Variants in SMAD9 observed in about 807,000 individuals in gnomAD.
The protein encoded by SMAD9 is SMAD family member 9.
A neutral mutation model predicts 46.1 loss-of-function variants in SMAD9; 36 were observed. The ratio of observed to expected loss-of-function variants is 0.78; its 90% CI spans 0.60 to 1.03. The LOEUF (loss-of-function observed/expected upper bound fraction) is 1.03. Ranked by LOEUF, SMAD9 falls within the 50% of genes least tolerant of loss-of-function variation. The probability of loss-of-function intolerance (pLI) is 0.00; values close to 1 mark genes in which losing one functional copy is unlikely to be tolerated. For synonymous variants in SMAD9, 245 were observed against 237.1 expected, an observed-to-expected ratio of 1.03 and a Z score of -0.31; for missense variants, 572 against 599.8, an observed-to-expected ratio of 0.95 and a Z score of 0.48.
intron 5 of SMAD9, among the ~76,000 whole-genome samples, chr13:36,863,658 C>T (rs1165971373): frequency 2.6e-5 from 4 of 152,096 alleles, no homozygotes; most frequent in Non-Finnish European, 5.9e-5. Flanking sequence ...AGTGGATTCT[C>T]ACTCTATTAG....
rs1336481384 is a variant in SMAD9 at position 36,845,200 on chromosome 13, A to G, written c.*3476T>C. The G allele has an allele frequency of 6.6e-6, 1 of 152,064 alleles. No individual in the cohort carries two copies. The highest frequency in any genetic ancestry group is 2.4e-5 in the African/African-American group (1 of 41,400). 9.4% of individuals were successfully genotyped at this position (152,064 alleles called of 1,614,324 possible). A position where few individuals can be genotyped will look rare whatever the true frequency, so the allele number is the denominator to read the frequency against. On this transcript the variant is annotated 3_prime_UTR_variant, in exon 7 of 7. Transcript: ENST00000379826. ...CAGTCTATCAAGTGATATTTATGAAATGTTTTTGTTGCTGTTTTGTTGCTG... is the reference window on the plus strand; with the variant it reads ...CAGTCTATCAAGTGATATTTATGAAGTGTTTTTGTTGCTGTTTTGTTGCTG...
intron 1 of SMAD9, among the ~76,000 whole-genome samples, chr13:36,897,849 C>CTTTTTTTTTTT (rs574741770): frequency 1.1e-5 from 1 of 90,018 alleles, no homozygotes; most frequent in Admixed American, 1.4e-4. Context: ...TGTCCTGTGT[C>CTTTTTTTTTTT]TTTTTTTTTT....
At chr13:36,885,286 GA>G (rs1328079337) in intron 1 of SMAD9, among the ~76,000 whole-genome samples, 1 of 151,992 alleles carries the variant, frequency 6.6e-6, no homozygotes, top group Non-Finnish European at 1.5e-5. Flanking sequence ...TGTCCAAAAG[GA>G]CTTCTATCTA....
At chr13:36,896,015 T>A (rs1371021406) in intron 1 of SMAD9, among the ~76,000 whole-genome samples, 1 of 152,208 alleles carries the variant, frequency 6.6e-6, no homozygotes, top group Non-Finnish European at 1.5e-5. Flanking sequence ...TTGAAAAGAC[T>A]TAGTTTTAAA....
intron 2 of SMAD9, among the ~76,000 whole-genome samples, chr13:36,874,593 C>T (rs2058327475): frequency 6.6e-6 from 1 of 152,080 alleles, no homozygotes; most frequent in Non-Finnish European, 1.5e-5. Flanking sequence ...CATGGTGGCT[C>T]ACACCTGTAA....
intron 4 of SMAD9, among the ~76,000 whole-genome samples, chr13:36,867,024 C>A (rs976424278): frequency 7.2e-5 from 11 of 152,180 alleles, no homozygotes; most frequent in African/African-American, 2.7e-4. Context: ...TCAAGAACTA[C>A]AAACTTCTAA....
chr13:36,910,351 C>T (rs1278686944), intron 1 of SMAD9, among the ~76,000 whole-genome samples: 1 of 152,020 alleles, frequency 6.6e-6, no homozygotes, highest in African/African-American at 2.4e-5. Context: ...AGAGAATTTG[C>T]AGGGCAATGA....
chr13:36,891,738 C>T (rs1027033118), intron 1 of SMAD9, among the ~76,000 whole-genome samples: 1 of 152,092 alleles, frequency 6.6e-6, no homozygotes, highest in Admixed American at 6.6e-5. Context: ...ATATTTTTCT[C>T]CAGGTGGAAG....
intron 1 of SMAD9, among the ~76,000 whole-genome samples, chr13:36,911,996 C>T (rs1305987257): frequency 6.6e-6 from 1 of 152,146 alleles, no homozygotes; most frequent in Admixed American, 6.5e-5. Flanking sequence ...GTGTGAGCCA[C>T]CGCACCCAGT....
intron 6 of SMAD9, chr13:36,849,502 A>G (rs1442537955): frequency 6.6e-6 from 1 of 152,090 alleles, no homozygotes; most frequent in Non-Finnish European, 1.5e-5. Context: ...TTTCAACACA[A>G]CCATGCTGCC....
chr13:36,905,970 C>T (rs182553730), intron 1 of SMAD9, among the ~76,000 whole-genome samples: 18 of 152,096 alleles, frequency 1.2e-4, no homozygotes, highest in African/African-American at 2.7e-4. Context: ...TGCGCCTGGA[C>T]GAAAATTCTT....
intron 5 of SMAD9, among the ~76,000 whole-genome samples, chr13:36,861,079 T>G (rs1409403093): frequency 6.6e-6 from 1 of 152,254 alleles, no homozygotes; most frequent in East Asian, 1.9e-4. Context: ...TACCAGCCCC[T>G]CTACCTCAGG....
chr13:36,852,804 G>A (rs1221932216), intron 6 of SMAD9, among the ~76,000 whole-genome samples: 1 of 152,152 alleles, frequency 6.6e-6, no homozygotes, highest in Non-Finnish European at 1.5e-5. Flanking sequence ...GCAATTGGAA[G>A]GATGGAAAAA....
At chr13:36,871,316 G>A (rs1000146955) in intron 3 of SMAD9, among the ~76,000 whole-genome samples, 4 of 152,084 alleles carry the variant, frequency 2.6e-5, no homozygotes, top group Admixed American at 6.6e-5. Flanking sequence ...TCAGGAGTTC[G>A]AGACCAGCCT....
intron 1 of SMAD9, among the ~76,000 whole-genome samples, chr13:36,890,547 T>G (rs909535808): frequency 1.3e-5 from 2 of 152,228 alleles, no homozygotes; most frequent in Non-Finnish European, 2.9e-5. Context: ...TTTTTCTAAA[T>G]ATCAGACAAT....
chr13:36,871,115 C>T (rs1282675518), intron 3 of SMAD9, among the ~76,000 whole-genome samples: 1 of 152,238 alleles, frequency 6.6e-6, no homozygotes, highest in African/African-American at 2.4e-5. Flanking sequence ...TTAATCATCA[C>T]TGCACCTCTA....
chr13:36,891,116 A>C lies in SMAD9; in HGVS notation c.-186-11241T>G, dbSNP rs550672384. On this transcript the variant is annotated intron_variant, in intron 1 of 6. Transcript: ENST00000379826. ...CCCGCTTTGGTCCTCTGAGAAATACAAATCCTAAGAAGAATGAATGGCCAT... is the reference window on the plus strand; with the variant it reads ...CCCGCTTTGGTCCTCTGAGAAATACCAATCCTAAGAAGAATGAATGGCCAT... 3.9e-4 allele frequency among the ~76,000 whole-genome samples: 59 copies of C among 151,844 alleles called. 1 individual carries two copies. The South Asian group carries it at 8.5e-3, about 22-fold the overall frequency.
Position 36,853,572 on chromosome 13 carries a change from G to A in SMAD9, c.1107C>T (p.His369=). The stretch of plus-strand genomic sequence containing the variant: ...TGGGGATCTTGCAGACGGTAGCTGG[G>A]TGGAAGCCGTGTTGATAGTTGCAGT... ...SRNCNYQHGF[H]PATVCKIPSG... The change falls in exon 6 of 7, where the codon CAC becomes CAT. Residue 369 remains histidine (H), a synonymous_variant. Coordinates refer to ENST00000379826, the MANE Select transcript of SMAD9 (RefSeq NM_001127217.3). The A allele has an allele frequency of 6.2e-7, 1 of 1,614,180 alleles. No homozygotes were observed.
In SMAD9 at chr13:36,853,402, T is replaced by C. The variant is rs374987262; in HGVS notation, c.1260+17A>G. The C allele has an allele frequency of 6.2e-7, 1 of 1,613,288 alleles. No homozygotes were observed. The highest frequency in any genetic ancestry group is 8.5e-7 in the Non-Finnish European group (1 of 1,179,910). ...TTTCACTGAACATTTTATAACGTGA[T>C]AGCAAGCACTCCTTACCTTAACAAA... On this transcript the variant is annotated intron_variant, in intron 6 of 6. Transcript: ENST00000379826.
Sources: allele counts gnomAD v4.1 joint callset (sites outside exome capture counted in the v4.1 genomes callset), GRCh38; gene constraint gnomAD v4.1.1; transcripts MANE v1.5; gene names NCBI Gene and HGNC (gene_info 2026-07-23, HGNC 2026-07-21).